The following ADGRD1 variants were observed in gnomAD, a reference collection of about 807,000 sequenced individuals.
ADGRD1 encodes G-protein coupled receptor 133.
In ADGRD1, 77 loss-of-function variants were observed where a neutral mutation model predicts 113.4. The ratio of observed to expected loss-of-function variants is 0.68; its 90% CI spans 0.57 to 0.82. The LOEUF (loss-of-function observed/expected upper bound fraction) is 0.82. ADGRD1 is among the 40% of genes least tolerant of loss of function. ADGRD1 has a pLI of 0.00. For synonymous variants in ADGRD1, 474 were observed against 475.0 expected (o/e 1.00, Z 0.03); for missense variants, 1,036 against 1,139.1 (o/e 0.91, Z 1.30).
chr12:131,088,049 C>T (rs1227729773), intron 15 of ADGRD1, among the ~76,000 whole-genome samples: 1 of 152,182 alleles, frequency 6.6e-6, no homozygotes, highest in Non-Finnish European at 1.5e-5. Context: ...CACAGGGCTC[C>T]CTTTGGGCTT....
chr12:131,003,371 T>A lies in ADGRD1; in HGVS notation c.1144+69T>A. On this transcript the variant is annotated intron_variant, in intron 10 of 24. Coordinates refer to ENST00000261654, the MANE Select transcript of ADGRD1 (RefSeq NM_198827.5). This position sits in a 1 kb window ranked among gnomAD's most constrained non-coding sequence, Gnocchi z 4.8. ...GCTGGAGGCTGCGTTTCACTGCCTGTCTTTTTACACCCTTAGCAGAGAGCC... is the reference window on the plus strand; with the variant it reads ...GCTGGAGGCTGCGTTTCACTGCCTGACTTTTTACACCCTTAGCAGAGAGCC... The A allele has an allele frequency of 9.6e-7, 1 of 1,036,626 alleles. No individual in the cohort carries two copies. The allele number at this position is 1,036,626 out of a possible 1,614,324, so 64.2% of individuals were successfully genotyped here. A position where few individuals can be genotyped will look rare whatever the true frequency, so the allele number is the denominator to read the frequency against.
At chr12:131,017,978 T>G (rs1448741455) in intron 13 of ADGRD1, among the ~76,000 whole-genome samples, 1 of 152,088 alleles carries the variant, frequency 6.6e-6, no homozygotes, top group Non-Finnish European at 1.5e-5. Flanking sequence ...AGCACCCATA[T>G]AGGCACATAT....
At chr12:131,007,683 C>G (rs1424378934) in intron 12 of ADGRD1, among the ~76,000 whole-genome samples, 1 of 152,240 alleles carries the variant, frequency 6.6e-6, no homozygotes. Context: ...ATTGGACAGC[C>G]AAGTCATCCC....
intron 2 of ADGRD1, among the ~76,000 whole-genome samples, chr12:130,961,880 T>A (rs1870406225): frequency 6.6e-6 from 1 of 152,180 alleles, no homozygotes; most frequent in Non-Finnish European, 1.5e-5. Context: ...GACCTGACAA[T>A]CCTGGGCAAA....
chr12:130,954,664 A>G lies in ADGRD1; in HGVS notation c.103+4A>G. On this transcript the variant is annotated splice_donor_region_variant and intron_variant, in intron 2 of 24. Coordinates refer to ENST00000261654, the MANE Select transcript of ADGRD1 (RefSeq NM_198827.5). The surrounding 1 kb of genome is among the most constrained non-coding windows in gnomAD (Gnocchi z 4.7). Reference sequence around the variant, plus strand: ...TCCAGATCGCAGGACCATCCAGGTAAGAGTGTTTCCTTCTCACTCTGAGCA... The same window carrying G: ...TCCAGATCGCAGGACCATCCAGGTAGGAGTGTTTCCTTCTCACTCTGAGCA... 1 of 1,612,616 alleles carries G rather than the reference A, an allele frequency of 6.2e-7. No homozygotes were observed. The highest frequency in any genetic ancestry group is 8.5e-7 in the Non-Finnish European group (1 of 1,179,686).
chr12:131,057,857 G>A lies in ADGRD1; in HGVS notation c.1474-18944G>A, dbSNP rs1241449947. On this transcript the variant is annotated intron_variant, in intron 13 of 24. Coordinates refer to ENST00000261654, the MANE Select transcript of ADGRD1 (RefSeq NM_198827.5). This position sits in a 1 kb window ranked among gnomAD's most constrained non-coding sequence, Gnocchi z 4.2. Reference sequence around the variant, plus strand: ...GGGTCTGCATGTCTCTGCCTTCACTGGTACCTCCCTAGTCAAGGACCCCAT... The same window carrying A: ...GGGTCTGCATGTCTCTGCCTTCACTAGTACCTCCCTAGTCAAGGACCCCAT... Among the ~76,000 whole-genome samples the A allele has an allele frequency of 6.6e-6, 1 of 152,188 alleles. No homozygotes were observed. The highest frequency in any genetic ancestry group is 1.9e-4 in the East Asian group (1 of 5,198).
At chr12:131,079,008 C>G (rs912794193) in intron 14 of ADGRD1, among the ~76,000 whole-genome samples, 1 of 152,072 alleles carries the variant, frequency 6.6e-6, no homozygotes, top group Non-Finnish European at 1.5e-5. Context: ...TGCAGTCATC[C>G]CTTCCTCTCA....
At position 130,992,551 on chromosome 12, in the gene ADGRD1, C is replaced by T. The variant is rs187739787; in HGVS notation, c.966+159C>T. 184 of 639,880 alleles carry T rather than the reference C, an allele frequency of 2.9e-4. No individual in the cohort carries two copies. The African/African-American group carries it at 3.0e-3, about 11-fold the overall frequency. The allele number at this position is 639,880 out of a possible 1,614,324, so 39.6% of individuals were successfully genotyped here. On this transcript the variant is annotated intron_variant, in intron 8 of 24. Coordinates refer to ENST00000261654, the MANE Select transcript of ADGRD1 (RefSeq NM_198827.5). ...CTCATGAACAACCAGCTGGTGTGGCCCTCCTGGCCAGCTCTGTACAGCTCA... is the reference window on the plus strand; with the variant it reads ...CTCATGAACAACCAGCTGGTGTGGCTCTCCTGGCCAGCTCTGTACAGCTCA...
intron 13 of ADGRD1, chr12:131,026,804 T>C (rs1057224906): frequency 2.0e-5 from 3 of 151,734 alleles, no homozygotes; most frequent in Non-Finnish European, 4.4e-5. Flanking sequence ...CAGGTGAGAG[T>C]CTCCCAGGGG....
At chr12:131,052,588 G>A (rs1170010185) in intron 13 of ADGRD1, among the ~76,000 whole-genome samples, 12 of 152,150 alleles carry the variant, frequency 7.9e-5, no homozygotes, top group Admixed American at 6.5e-4. Flanking sequence ...GAGCAGTCGG[G>A]GGGGCATAAA....
chr12:131,025,910 C>G (rs1327009690), intron 13 of ADGRD1: 1 of 152,318 alleles, frequency 6.6e-6, no homozygotes, highest in Non-Finnish European at 1.5e-5. Flanking sequence ...GCAGGCCCAT[C>G]CTGGAGGCTC....
chr12:131,065,687 G>A (rs1319047399), intron 13 of ADGRD1, among the ~76,000 whole-genome samples: 1 of 152,224 alleles, frequency 6.6e-6, no homozygotes, highest in East Asian at 1.9e-4. Context: ...GCCCCTGCCA[G>A]AGGCCAGGTG....
intron 15 of ADGRD1, among the ~76,000 whole-genome samples, chr12:131,088,778 A>G (rs1886687413): frequency 6.6e-6 from 1 of 152,180 alleles, no homozygotes; most frequent in Non-Finnish European, 1.5e-5. Context: ...GCAGATGACC[A>G]GGGTTGCCCC....
At position 130,966,145 on chromosome 12, in the gene ADGRD1, T is replaced by A. The variant is rs1870971080; in HGVS notation, c.104-318T>A. 6.6e-6 allele frequency among the ~76,000 whole-genome samples: 1 copy of A among 152,220 alleles called. No individual in the cohort carries two copies. Among genetic ancestry groups the A allele is most frequent in the African/African-American group, 2.4e-5 (1 of 41,456 alleles). On this transcript the variant is annotated intron_variant, in intron 2 of 24. Coordinates refer to ENST00000261654, the MANE Select transcript of ADGRD1 (RefSeq NM_198827.5). This position sits in a 1 kb window ranked among gnomAD's most constrained non-coding sequence, Gnocchi z 4.6. The stretch of plus-strand genomic sequence containing the variant: ...AACAGCGGGATATGGAACATTCTTA[T>A]CTTTTCCTGACATGAATGGGCAAGC...
chr12:130,997,003 C>CA (rs1429099358), intron 8 of ADGRD1, among the ~76,000 whole-genome samples: 3 of 113,776 alleles, frequency 2.6e-5, no homozygotes, highest in Admixed American at 1.6e-4. Context: ...GCTGGCCAGG[C>CA]GGGGGGCTGA....
intron 15 of ADGRD1, among the ~76,000 whole-genome samples, chr12:131,092,718 G>A (rs1208721702): frequency 6.6e-6 from 1 of 152,158 alleles, no homozygotes; most frequent in African/African-American, 2.4e-5. Flanking sequence ...CTGGGGCCTG[G>A]TGGTCACAGG....
At chr12:130,993,372 TTTCATTCATTCA>T (rs55716628) in intron 8 of ADGRD1, among the ~76,000 whole-genome samples, 165 of 141,138 alleles carry the variant, frequency 1.2e-3, no homozygotes, top group African/African-American at 3.6e-3. Context: ...ACTTCTCAGA[TTTCATTCATTCA>T]TTCATTCATT....
chr12:131,113,144 G>A lies in ADGRD1; in HGVS notation c.2041+4267G>A, dbSNP rs532689666. On this transcript the variant is annotated intron_variant, in intron 18 of 24. Transcript: ENST00000261654. The surrounding 1 kb of genome is among the most constrained non-coding windows in gnomAD (Gnocchi z 4.9). Reference sequence around the variant, plus strand: ...CTGGGCAGGGAAGCAGGTTTTGGCTGAAGTGCCACAGACTCAGTCTTCTTA... The same window carrying A: ...CTGGGCAGGGAAGCAGGTTTTGGCTAAAGTGCCACAGACTCAGTCTTCTTA... Among the ~76,000 whole-genome samples, 49 of 152,338 alleles carry A rather than the reference G, an allele frequency of 3.2e-4. No individual in the cohort carries two copies. The highest frequency in any genetic ancestry group is 5.9e-4 in the Admixed American group (9 of 15,310).
chr12:131,105,912 C>T, intron 17 of ADGRD1, 47 bp downstream of exon 17: 1 of 1,389,300 alleles, frequency 7.2e-7, no homozygotes, highest in African/African-American at 1.4e-5. Context: ...TCCCTTGCCT[C>T]CTCGGATGTC....
Sources: allele counts gnomAD v4.1 joint callset (sites outside exome capture counted in the v4.1 genomes callset), GRCh38; gene constraint gnomAD v4.1.1; non-coding constraint Gnocchi (gnomAD v3.1); transcripts MANE v1.5; gene names NCBI Gene and HGNC (gene_info 2026-07-23, HGNC 2026-07-21).